Variants in TRPM7 observed in about 807,000 individuals in gnomAD.
TRPM7 encodes the protein transient receptor potential cation channel subfamily M member 7.
In TRPM7, 134 loss-of-function variants were observed where a neutral mutation model predicts 229.7. That is an observed-to-expected ratio of 0.58 (90% CI 0.51 to 0.67). The LOEUF (loss-of-function observed/expected upper bound fraction) is 0.67, where lower values mean the gene tolerates loss of function less well. Among genes scored for constraint, TRPM7 ranks in the 30% least tolerant of loss-of-function variants. The pLI, the probability that TRPM7 is intolerant of heterozygous loss-of-function variation, is 0.00. For missense variants in TRPM7, 1,901 were observed against 2,210.0 expected, an observed-to-expected ratio of 0.86 and a Z score of 2.80; for synonymous variants, 699 against 715.2, an observed-to-expected ratio of 0.98 and a Z score of 0.36.
chr15:50,679,294 C>T (rs2062174739), intron 1 of TRPM7, among the ~76,000 whole-genome samples: 1 of 149,238 alleles, frequency 6.7e-6, no homozygotes. Context: ...ATGATGATGT[C>T]ACTGCACTCT....
chr15:50,575,853 T>C lies in TRPM7; in HGVS notation c.4669+16A>G. Reference sequence around the variant, plus strand: ...GGTCCAAAATGCTATTAAATTTTGTTTTTAATATTACTGACCTGAATAATA... The same window carrying C: ...GGTCCAAAATGCTATTAAATTTTGTCTTTAATATTACTGACCTGAATAATA... On this transcript the variant is annotated intron_variant, in intron 32 of 38. Coordinates refer to ENST00000646667, the MANE Select transcript of TRPM7 (RefSeq NM_017672.6). 6.2e-7 allele frequency: 1 copy of C among 1,612,212 alleles called. No homozygotes were observed. The highest frequency in any genetic ancestry group is 8.5e-7 in the Non-Finnish European group (1 of 1,179,088).
chr15:50,621,285 G>A (rs967754485), intron 12 of TRPM7, among the ~76,000 whole-genome samples: 5 of 151,798 alleles, frequency 3.3e-5, no homozygotes, highest in South Asian at 4.2e-4. Context: ...TTAATAAGAC[G>A]TATCTCATAT....
At chr15:50,576,075 A>ATAT (rs2141514440) in intron 31 of TRPM7, among the ~76,000 whole-genome samples, 156 bp from the exon 32 acceptor site, 1 of 152,356 alleles carries the variant, frequency 6.6e-6, no homozygotes. Flanking sequence ...CCACTGTGCT[A>ATAT]TATTACCCTA....
intron 7 of TRPM7, among the ~76,000 whole-genome samples, chr15:50,635,784 C>A (rs1460917492): frequency 6.6e-6 from 1 of 151,388 alleles, no homozygotes; most frequent in African/African-American, 2.4e-5. Flanking sequence ...CAAAAGCAGC[C>A]TGGCCAACAT....
chr15:50,579,256 A>G (rs1344520395), intron 30 of TRPM7, among the ~76,000 whole-genome samples: 1 of 152,208 alleles, frequency 6.6e-6, no homozygotes, highest in Non-Finnish European at 1.5e-5. Context: ...GAATGAGAAT[A>G]AAGGAAAACG....
rs1157407680 is a variant in TRPM7, at chr15:50,613,333, C to A, written c.1770+374G>T. ...ACTGGCCAACATGGTGAAACCCAGT[C>A]TCTACTAAAAATACAAAAAATTAGC... is the stretch of plus-strand genomic sequence containing the variant. On this transcript the variant is annotated intron_variant, in intron 15 of 38. Coordinates refer to ENST00000646667, the MANE Select transcript of TRPM7 (RefSeq NM_017672.6). 2.0e-5 allele frequency among the ~76,000 whole-genome samples: 3 copies of A among 151,926 alleles called. No individual in the cohort carries two copies. The East Asian group carries it at 5.8e-4, about 29-fold the overall frequency.
chr15:50,678,117 T>G (rs1270252771), intron 1 of TRPM7, among the ~76,000 whole-genome samples: 1 of 151,282 alleles, frequency 6.6e-6, no homozygotes, highest in African/African-American at 2.4e-5. Context: ...GGTGGGCGCC[T>G]GTAGTCCCAG....
At chr15:50,576,931 G>T (rs2054162108) in intron 31 of TRPM7, among the ~76,000 whole-genome samples, 1 of 152,000 alleles carries the variant, frequency 6.6e-6, no homozygotes, top group East Asian at 1.9e-4. Flanking sequence ...AACATGGCAA[G>T]GCCCCATTAT....
At chr15:50,677,085 C>T (rs1027028580) in intron 1 of TRPM7, among the ~76,000 whole-genome samples, 1 of 152,152 alleles carries the variant, frequency 6.6e-6, no homozygotes, top group Non-Finnish European at 1.5e-5. Flanking sequence ...GGGATAACAA[C>T]TGAAACAAAT....
At chr15:50,682,598 G>A (rs928595739) in intron 1 of TRPM7, among the ~76,000 whole-genome samples, 2 of 150,902 alleles carry the variant, frequency 1.3e-5, no homozygotes, top group Admixed American at 6.6e-5. Flanking sequence ...AAAAATTCCA[G>A]AGCAATTTCC....
intron 36 of TRPM7, among the ~76,000 whole-genome samples, chr15:50,573,585 C>T (rs2053991664): frequency 6.6e-6 from 1 of 152,124 alleles, no homozygotes; most frequent in South Asian, 2.1e-4. Flanking sequence ...TTTAAATCCA[C>T]TAAATTTTTA....
intron 1 of TRPM7, among the ~76,000 whole-genome samples, chr15:50,686,293 C>A (rs2062358971): frequency 1.3e-5 from 2 of 152,202 alleles, no homozygotes; most frequent in Admixed American, 6.5e-5. Context: ...GGAGCCGAGT[C>A]TCGGCTCAGG....
At chr15:50,573,795 T>G (rs2141496848) in intron 36 of TRPM7, among the ~76,000 whole-genome samples, 1 of 152,316 alleles carries the variant, frequency 6.6e-6, no homozygotes, top group South Asian at 2.1e-4. Flanking sequence ...GTGTGGTGGC[T>G]CACTCCTGTA....
intron 19 of TRPM7, among the ~76,000 whole-genome samples, chr15:50,607,600 G>T (rs2059951549): frequency 6.6e-6 from 1 of 152,034 alleles, no homozygotes. Flanking sequence ...TTACAATCAG[G>T]TTTATGTTCT....
intron 11 of TRPM7, among the ~76,000 whole-genome samples, chr15:50,625,675 A>T (rs1440747128): frequency 6.6e-6 from 1 of 152,170 alleles, no homozygotes; most frequent in Non-Finnish European, 1.5e-5. Context: ...TACTGGAATT[A>T]GAGGCATGAG....
chr15:50,608,794 T>C (rs528101528), intron 19 of TRPM7, among the ~76,000 whole-genome samples: 43 of 152,348 alleles, frequency 2.8e-4, no homozygotes, highest in African/African-American at 1.0e-3. Flanking sequence ...GGTTTTCCTA[T>C]GACGGGGAGT....
chr15:50,585,207 G>A (rs1010923686), intron 28 of TRPM7, among the ~76,000 whole-genome samples: 2 of 151,926 alleles, frequency 1.3e-5, no homozygotes, highest in African/African-American at 2.4e-5. Flanking sequence ...GACTACAGGC[G>A]CCCGCCACCG....
intron 1 of TRPM7, among the ~76,000 whole-genome samples, chr15:50,674,404 T>C (rs2062051295): frequency 1.3e-5 from 2 of 152,210 alleles, no homozygotes; most frequent in South Asian, 4.1e-4. Context: ...AGTGCTGGGA[T>C]TACAGGGGTG....
intron 3 of TRPM7, among the ~76,000 whole-genome samples, chr15:50,654,640 T>G (rs994006562): frequency 6.6e-6 from 1 of 151,090 alleles, no homozygotes; most frequent in East Asian, 1.9e-4. Flanking sequence ...AGCAGTAAAA[T>G]GGAAACTATA....
Sources: allele counts gnomAD v4.1 joint callset (sites outside exome capture counted in the v4.1 genomes callset), GRCh38; gene constraint gnomAD v4.1.1; transcripts MANE v1.5; gene names NCBI Gene and HGNC (gene_info 2026-07-23, HGNC 2026-07-21).